UBTD2: variants seen among roughly 807,000 people sequenced by gnomAD.
UBTD2 encodes ubiquitin domain-containing protein 2.
In UBTD2, 9 loss-of-function variants were observed where a neutral mutation model predicts 19.8. The ratio of observed to expected loss-of-function variants is 0.46; its 90% confidence interval spans 0.27 to 0.79. The LOEUF is 0.79. Among genes scored for constraint, UBTD2 ranks in the 30% least tolerant of loss-of-function variants. The pLI is 0.14. For missense variants in UBTD2, 250 were observed against 300.4 expected, an observed-to-expected ratio of 0.83 and a Z score of 1.24; for synonymous variants, 98 against 103.9, an observed-to-expected ratio of 0.94 and a Z score of 0.35.
chr5:172,261,478 A>G (rs1755268875), intron 1 of UBTD2, among the ~76,000 whole-genome samples: 2 of 152,230 alleles, frequency 1.3e-5, no homozygotes, highest in South Asian at 4.1e-4. Context: ...AGCTGAAAAC[A>G]TTCGGTCTGG....
At chr5:172,252,301 G>A (rs1755040232) in intron 1 of UBTD2, 4 of 152,190 alleles carry the variant, frequency 2.6e-5, no homozygotes, top group Admixed American at 6.5e-5. Context: ...CCATACTTAG[G>A]ATGGCACAGA....
Position 172,210,315 on chromosome 5 carries a change from T to C in UBTD2, c.*1515A>G, listed in dbSNP as rs115246868. On this transcript the variant is annotated 3_prime_UTR_variant, in exon 3 of 3. Transcript: ENST00000393792. ...AGTTTCATTTTGTCATTAAAATTAA[T>C]AATGCACTTCACATCCAAACAGGTG... The C allele has an allele frequency of 2.9e-3, 445 of 152,344 alleles. 5 individuals carry two copies. The highest frequency in any genetic ancestry group is 0.01 in the African/African-American group (424 of 41,570). 9.4% of individuals were successfully genotyped at this position (152,344 alleles called of 1,614,324 possible).
intron 1 of UBTD2, among the ~76,000 whole-genome samples, chr5:172,279,667 G>A (rs1755672034): frequency 6.6e-6 from 1 of 152,204 alleles, no homozygotes; most frequent in Non-Finnish European, 1.5e-5. Flanking sequence ...AGAAAAGGTT[G>A]TTGGTTGTCT....
At chr5:172,223,718 C>T (rs1275635439) in intron 2 of UBTD2, among the ~76,000 whole-genome samples, 1 of 150,928 alleles carries the variant, frequency 6.6e-6, no homozygotes, top group African/African-American at 2.4e-5. Context: ...TCTATTATAC[C>T]CATTTTACAG....
chr5:172,267,995 G>C (rs572351137), intron 1 of UBTD2, among the ~76,000 whole-genome samples: 1 of 152,268 alleles, frequency 6.6e-6, no homozygotes, highest in Non-Finnish European at 1.5e-5. Flanking sequence ...AACTAAGAAA[G>C]GCTTCTATTA....
intron 1 of UBTD2, among the ~76,000 whole-genome samples, chr5:172,272,234 A>C (rs1755504822): frequency 6.6e-6 from 1 of 152,234 alleles, no homozygotes. Context: ...ATTCTTGCTG[A>C]CGGCATGTCA....
chr5:172,271,058 G>A (rs574345958), intron 1 of UBTD2, among the ~76,000 whole-genome samples: 21 of 151,814 alleles, frequency 1.4e-4, no homozygotes, highest in Admixed American at 9.2e-4. Context: ...ATGTTTTTTC[G>A]TATCTCTGTA....
intron 1 of UBTD2, among the ~76,000 whole-genome samples, chr5:172,271,295 G>A (rs1375839963): frequency 6.6e-6 from 1 of 152,070 alleles, no homozygotes; most frequent in East Asian, 1.9e-4. Context: ...CAGGCGTGGT[G>A]GCAGGCGCTT....
At chr5:172,283,769 G>A, upstream of UBTD2, 2 of 777,060 alleles carry the variant, frequency 2.6e-6, no homozygotes, top group Admixed American at 5.4e-5. The surrounding 1 kb of genome is among the most constrained non-coding windows in gnomAD (Gnocchi z 4.3). Context: ...CCGGACAGGC[G>A]CGCCGCTCCG....
chr5:172,279,175 G>A (rs2113143136), intron 1 of UBTD2, among the ~76,000 whole-genome samples: 3 of 152,340 alleles, frequency 2.0e-5, no homozygotes, highest in Middle Eastern at 3.4e-3. Context: ...CCAGTTATAA[G>A]CTATGTGATG....
chr5:172,232,289 T>A, intron 2 of UBTD2, among the ~76,000 whole-genome samples: 1 of 142,530 alleles, frequency 7.0e-6, no homozygotes, highest in African/African-American at 2.7e-5. Context: ...ATAAAATAAG[T>A]TACCAAAAGA....
chr5:172,228,917 G>T (rs7726020), intron 2 of UBTD2, among the ~76,000 whole-genome samples: 45,745 of 151,444 alleles, frequency 0.3, 7,121 homozygotes, highest in South Asian at 0.43. Flanking sequence ...TATATTTTGA[G>T]ATAAAGAAAA....
chr5:172,242,553 A>C (rs560537062), intron 1 of UBTD2: 98 of 414,570 alleles, frequency 2.4e-4, no homozygotes, highest in Non-Finnish European at 2.9e-4. Context: ...TTAGGTTTAG[A>C]AGCTTTATTA....
chr5:172,247,373 C>T (rs779355775), intron 1 of UBTD2, among the ~76,000 whole-genome samples: 1 of 151,622 alleles, frequency 6.6e-6, no homozygotes, highest in Non-Finnish European at 1.5e-5. Context: ...AGAAACAGGC[C>T]GGGTGCAGTG....
At chr5:172,254,437 G>A (rs945060773) in intron 1 of UBTD2, 38 of 420,982 alleles carry the variant, frequency 9.0e-5, no homozygotes, top group African/African-American at 3.6e-4. Flanking sequence ...GAAAAGCTAC[G>A]GTTACAGTCC....
At chr5:172,267,952 A>G (rs1481303918) in intron 1 of UBTD2, among the ~76,000 whole-genome samples, 2 of 152,200 alleles carry the variant, frequency 1.3e-5, no homozygotes, top group Non-Finnish European at 2.9e-5. Flanking sequence ...TCATTATACT[A>G]TATGGTCCTA....
At chr5:172,221,079 A>G (rs1771641148) in intron 2 of UBTD2, among the ~76,000 whole-genome samples, 1 of 152,236 alleles carries the variant, frequency 6.6e-6, no homozygotes, top group Non-Finnish European at 1.5e-5. Context: ...AAACAACAAC[A>G]ACAAAAAACC....
intron 1 of UBTD2, among the ~76,000 whole-genome samples, chr5:172,255,831 G>A (rs1755135743): frequency 6.6e-6 from 1 of 152,232 alleles, no homozygotes; most frequent in Non-Finnish European, 1.5e-5. Context: ...GCTCACGCCT[G>A]CAATCCCACC....
intron 1 of UBTD2, among the ~76,000 whole-genome samples, chr5:172,249,066 C>T (rs546145497): frequency 7.7e-4 from 117 of 152,066 alleles, no homozygotes; most frequent in African/African-American, 2.7e-3. Context: ...AAATTAGAAA[C>T]AAAAGTGGGG....
Sources: allele counts gnomAD v4.1 joint callset (sites outside exome capture counted in the v4.1 genomes callset), GRCh38; gene constraint gnomAD v4.1.1; non-coding constraint Gnocchi (gnomAD v3.1); transcripts MANE v1.5; gene names NCBI Gene and HGNC (gene_info 2026-07-23, HGNC 2026-07-21).